The following TAFA1 variants were observed in gnomAD, a reference collection of about 807,000 sequenced individuals.
The protein encoded by TAFA1 is TAFA chemokine like family member 1.
A neutral mutation model predicts 18.5 loss-of-function variants in TAFA1; 4 were observed. The ratio of observed to expected loss-of-function variants is 0.22; its 90% CI spans 0.11 to 0.49. The LOEUF (loss-of-function observed/expected upper bound fraction) is 0.49. Ranked by LOEUF, TAFA1 falls within the 20% of genes least tolerant of loss-of-function variation. TAFA1 has a pLI of 0.98. For missense variants in TAFA1, 147 were observed against 169.0 expected, an observed-to-expected ratio of 0.87 and a Z score of 0.72; for synonymous variants, 56 against 55.2, an observed-to-expected ratio of 1.01 and a Z score of -0.06.
At chr3:68,294,345 C>T (rs2068168323) in intron 2 of TAFA1, among the ~76,000 whole-genome samples, 3 of 152,024 alleles carry the variant, frequency 2.0e-5, no homozygotes. Flanking sequence ...CCAAATATAT[C>T]CCCAATATCA....
intron 2 of TAFA1, among the ~76,000 whole-genome samples, chr3:68,176,132 C>T (rs1352483808): frequency 6.6e-6 from 1 of 152,090 alleles, no homozygotes. Flanking sequence ...TTTTTCTTCC[C>T]AGTCTCAGGT....
At chr3:67,997,024 T>C in the TAFA1 span, among the ~76,000 whole-genome samples, 2 of 151,864 alleles carry the variant, frequency 1.3e-5, no homozygotes, top group East Asian at 3.9e-4. Flanking sequence ...AGAAACTCCA[T>C]AGAGAATGAC....
chr3:68,116,813 C>T (rs2065330224), intron 2 of TAFA1, among the ~76,000 whole-genome samples: 1 of 152,190 alleles, frequency 6.6e-6, no homozygotes, highest in Non-Finnish European at 1.5e-5. Flanking sequence ...CCAAATCCAG[C>T]CCACCTGCCT....
intron 2 of TAFA1, among the ~76,000 whole-genome samples, chr3:68,153,734 C>A (rs1398295185): frequency 6.6e-6 from 1 of 152,122 alleles, no homozygotes; most frequent in Non-Finnish European, 1.5e-5. Context: ...TGACATTTTC[C>A]TTGAGCGAGA....
chr3:68,145,625 G>T, intron 2 of TAFA1: 1 of 1,362,168 alleles, frequency 7.3e-7, no homozygotes, highest in East Asian at 2.3e-5. Context: ...GGCTTTCCTT[G>T]AAGACTGACT....
intron 2 of TAFA1, among the ~76,000 whole-genome samples, chr3:68,358,380 C>T (rs924761100): frequency 2.6e-5 from 4 of 151,744 alleles, no homozygotes; most frequent in African/African-American, 9.7e-5. Flanking sequence ...AAGATATTTA[C>T]ATCTCATTAA....
At chr3:68,196,368 AAATGTAGC>A (rs1463213006) in intron 2 of TAFA1, among the ~76,000 whole-genome samples, 3 of 150,398 alleles carry the variant, frequency 2.0e-5, no homozygotes, top group Non-Finnish European at 4.5e-5. Context: ...AATACTGACC[AAATGTAGC>A]AATCAATCAA....
intron 2 of TAFA1, among the ~76,000 whole-genome samples, chr3:68,301,715 T>C (rs543912010): frequency 1.3e-4 from 20 of 152,180 alleles, no homozygotes; most frequent in Non-Finnish European, 1.6e-4. Context: ...AGTTAAAAAC[T>C]AGCATTGGAG....
At chr3:68,085,529 T>C (rs766372963) in intron 2 of TAFA1, among the ~76,000 whole-genome samples, 1 of 152,230 alleles carries the variant, frequency 6.6e-6, no homozygotes, top group Non-Finnish European at 1.5e-5. Context: ...ATATCAAACA[T>C]GACAGAGTTT....
intron 2 of TAFA1, among the ~76,000 whole-genome samples, chr3:68,318,121 ACCAG>A (rs1286138831): frequency 1.9e-4 from 29 of 152,336 alleles, no homozygotes; most frequent in African/African-American, 6.5e-4. Context: ...TGTGTTGCCA[ACCAG>A]TTTGTCAGTA....
chr3:68,016,777 C>T (rs1704578653), intron 2 of TAFA1, among the ~76,000 whole-genome samples: 1 of 152,110 alleles, frequency 6.6e-6, no homozygotes, highest in East Asian at 1.9e-4. Flanking sequence ...ACATTCACTG[C>T]CTGCAAACCT....
At chr3:68,349,970 C>T (rs1013346880) in intron 2 of TAFA1, among the ~76,000 whole-genome samples, 2 of 152,118 alleles carry the variant, frequency 1.3e-5, no homozygotes, top group African/African-American at 4.8e-5. Context: ...CCTATGAACT[C>T]CCAACCCAGT....
rs543884787 is a variant in TAFA1 at position 68,392,966 on chromosome 3, C to G, written c.119-24314C>G. ...AAAGAACTAGAGAAGCAAGAGCAAA[C>G]AAATTCACAAGCTGTCAGAAGACAA... On this transcript the variant is annotated intron_variant, in intron 2 of 4. Coordinates refer to ENST00000478136, the MANE Select transcript of TAFA1 (RefSeq NM_213609.4). 2.0e-5 allele frequency among the ~76,000 whole-genome samples: 3 copies of G among 152,142 alleles called. No individual in the cohort carries two copies. The South Asian group carries it at 6.2e-4, about 32-fold the overall frequency.
At chr3:68,476,019 C>A (rs1047282526) in intron 3 of TAFA1, among the ~76,000 whole-genome samples, 1 of 151,956 alleles carries the variant, frequency 6.6e-6, no homozygotes, top group African/African-American at 2.4e-5. Context: ...TTGTTTTTTT[C>A]TTGTAAATTT....
At chr3:68,305,822 T>G (rs1455917142) in intron 2 of TAFA1, among the ~76,000 whole-genome samples, 2 of 152,118 alleles carry the variant, frequency 1.3e-5, no homozygotes, top group African/African-American at 2.4e-5. Flanking sequence ...CTCCACCACT[T>G]CTAGCTATGT....
intron 3 of TAFA1, among the ~76,000 whole-genome samples, chr3:68,491,607 G>A (rs1367176661): frequency 2.6e-5 from 4 of 151,814 alleles, no homozygotes; most frequent in Admixed American, 6.6e-5. Context: ...AAGTTAATGG[G>A]TGCAGCACAC....
intron 3 of TAFA1, among the ~76,000 whole-genome samples, chr3:68,441,085 AC>A (rs2071369589): frequency 6.6e-6 from 1 of 152,070 alleles, no homozygotes; most frequent in African/African-American, 2.4e-5. Context: ...GCATTTGGCC[AC>A]CCCTACAACC....
chr3:68,334,381 G>A (rs2068935641), intron 2 of TAFA1, among the ~76,000 whole-genome samples: 2 of 152,032 alleles, frequency 1.3e-5, no homozygotes, highest in South Asian at 4.2e-4. Context: ...TGTTACATTT[G>A]TCGATTTGTG....
intron 3 of TAFA1, among the ~76,000 whole-genome samples, chr3:68,446,486 TAGC>T (rs772972188): frequency 6.6e-6 from 1 of 152,164 alleles, no homozygotes; most frequent in South Asian, 2.1e-4. Context: ...AGTTAGATAT[TAGC>T]AGGAGTTTGC....
Sources: allele counts gnomAD v4.1 joint callset (sites outside exome capture counted in the v4.1 genomes callset), GRCh38; gene constraint gnomAD v4.1.1; transcripts MANE v1.5; gene names NCBI Gene and HGNC (gene_info 2026-07-23, HGNC 2026-07-21).